The following DTNBP1 variants were observed in gnomAD, a reference collection of about 807,000 sequenced individuals.
DTNBP1 encodes dysbindin.
In DTNBP1, 35 loss-of-function variants were observed where a neutral mutation model predicts 42.8. The observed-to-expected ratio is 0.82, with a 90% CI of 0.63 to 1.09. DTNBP1 has a LOEUF of 1.09. Ranked by LOEUF, DTNBP1 falls within the 50% of genes least tolerant of loss-of-function variation. DTNBP1 has a pLI of 0.00. For missense variants in DTNBP1, 457 were observed against 424.2 expected (o/e 1.08, Z -0.68); for synonymous variants, 171 against 162.2 (o/e 1.05, Z -0.41).
chr6:15,581,924 G>C (rs1439232013), intron 7 of DTNBP1, among the ~76,000 whole-genome samples: 7 of 152,150 alleles, frequency 4.6e-5, no homozygotes, highest in Non-Finnish European at 2.9e-5. Flanking sequence ...TTCTAATCCT[G>C]CCCTGAGCTT....
intron 9 of DTNBP1, chr6:15,523,714 C>G (rs1406494954): frequency 1.6e-6 from 2 of 1,287,118 alleles, no homozygotes; most frequent in Non-Finnish European, 2.0e-6. Context: ...GTTTCTAAAT[C>G]TTCCCCTGAC....
chr6:15,543,933 C>T (rs1022689573), intron 7 of DTNBP1, among the ~76,000 whole-genome samples: 1 of 152,166 alleles, frequency 6.6e-6, no homozygotes, highest in African/African-American at 2.4e-5. Context: ...AGGAATAAGA[C>T]CCCTTCCCCT....
At position 15,534,389 on chromosome 6, in the gene DTNBP1, C is replaced by T. The variant is rs573089916; in HGVS notation, c.512-994G>A. On this transcript the variant is annotated intron_variant, in intron 7 of 9. Coordinates refer to ENST00000344537, the MANE Select transcript of DTNBP1 (RefSeq NM_032122.5). Reference sequence around the variant, plus strand: ...GAACAGGGCCGGGCGCGGTGGCTCACGCCTATAATCCCAGCCCTTTGGGAG... The same window carrying T: ...GAACAGGGCCGGGCGCGGTGGCTCATGCCTATAATCCCAGCCCTTTGGGAG... Among the ~76,000 whole-genome samples, 32 of 152,292 alleles carry T rather than the reference C, an allele frequency of 2.1e-4. 1 individual carries two copies. The highest frequency in any genetic ancestry group is 3.7e-4 in the Non-Finnish European group (25 of 68,034).
intron 7 of DTNBP1, among the ~76,000 whole-genome samples, chr6:15,551,508 T>G (rs1162652000): frequency 6.6e-6 from 1 of 152,174 alleles, no homozygotes. Context: ...ATGCCCTGAC[T>G]TGTAATTGCC....
At chr6:15,571,436 C>T (rs1048008243) in intron 7 of DTNBP1, among the ~76,000 whole-genome samples, 60 of 152,164 alleles carry the variant, frequency 3.9e-4, no homozygotes, top group South Asian at 2.1e-3. Context: ...AATCACAGAT[C>T]CATGAAGAAT....
At chr6:15,640,150 T>C (rs1395472146) in intron 3 of DTNBP1, among the ~76,000 whole-genome samples, 2 of 152,242 alleles carry the variant, frequency 1.3e-5, no homozygotes, top group African/African-American at 4.8e-5. Context: ...CTAAATCCAT[T>C]ACAATGTATG....
chr6:15,545,995 G>A (rs1373949308), intron 7 of DTNBP1: 1 of 447,330 alleles, frequency 2.2e-6, no homozygotes, highest in Admixed American at 2.5e-5. Context: ...GCACCCTGGA[G>A]GCCTCAGATT....
intron 7 of DTNBP1, chr6:15,533,751 G>C (rs1173452346): frequency 2.1e-6 from 1 of 468,540 alleles, no homozygotes; most frequent in Admixed American, 2.4e-5. Context: ...GGAGTCTGCT[G>C]CTCCATCCAG....
intron 7 of DTNBP1, among the ~76,000 whole-genome samples, chr6:15,576,130 T>G (rs1201143067): frequency 6.6e-6 from 1 of 151,848 alleles, no homozygotes; most frequent in Non-Finnish European, 1.5e-5. Flanking sequence ...TTTTTCCTTT[T>G]TTTTTTGAGA....
Position 15,558,115 on chromosome 6 carries a change from T to C in DTNBP1, c.512-24720A>G, listed in dbSNP as rs543346752. On this transcript the variant is annotated intron_variant, in intron 7 of 9. Transcript: ENST00000344537. ...TAGTGTACGTTATCAGTAATTATAT[T>C]ATGTTAAATTATTGTATACCACAGA... Among the ~76,000 whole-genome samples the C allele has an allele frequency of 6.5e-4, 98 of 151,670 alleles. 1 individual carries two copies. Among genetic ancestry groups the C allele is most frequent in the Middle Eastern group, 3.5e-3 (1 of 286 alleles).
At chr6:15,599,135 C>T (rs1473443835) in intron 6 of DTNBP1, among the ~76,000 whole-genome samples, 5 of 152,118 alleles carry the variant, frequency 3.3e-5, no homozygotes, top group Non-Finnish European at 7.4e-5. Flanking sequence ...AATCATTTCC[C>T]TAAACCTATT....
chr6:15,608,757 C>G (rs1758219712), intron 6 of DTNBP1, among the ~76,000 whole-genome samples: 1 of 152,204 alleles, frequency 6.6e-6, no homozygotes, highest in Non-Finnish European at 1.5e-5. Flanking sequence ...TCTTAGTAAC[C>G]ATTTTCTACT....
At chr6:15,553,810 G>A (rs921887013) in intron 7 of DTNBP1, among the ~76,000 whole-genome samples, 3 of 151,896 alleles carry the variant, frequency 2.0e-5, no homozygotes, top group South Asian at 2.1e-4. Flanking sequence ...GCACTGTGGC[G>A]TATTAGATAT....
intron 7 of DTNBP1, chr6:15,585,877 C>T (rs1776060644): frequency 1.1e-5 from 15 of 1,417,104 alleles, no homozygotes; most frequent in Non-Finnish European, 1.2e-5. Flanking sequence ...GGAAGTGAGG[C>T]TGAAGCCAGA....
intron 7 of DTNBP1, among the ~76,000 whole-genome samples, chr6:15,568,138 G>A (rs1775179632): frequency 6.6e-6 from 1 of 152,086 alleles, no homozygotes; most frequent in East Asian, 1.9e-4. Context: ...CCTAAAGTAG[G>A]TCCAAGATCC....
intron 7 of DTNBP1, among the ~76,000 whole-genome samples, chr6:15,581,036 C>T (rs1478613752): frequency 1.3e-5 from 2 of 152,188 alleles, no homozygotes; most frequent in Non-Finnish European, 2.9e-5. Context: ...AGAGTGTGAA[C>T]TGTCAACACA....
chr6:15,620,630 C>T (rs533171512), intron 5 of DTNBP1, among the ~76,000 whole-genome samples: 8 of 152,300 alleles, frequency 5.3e-5, no homozygotes, highest in Middle Eastern at 3.4e-3. Flanking sequence ...AAAACACTAT[C>T]ATAGCTAATA....
At chr6:15,624,016 T>C (rs1759195871) in intron 5 of DTNBP1, among the ~76,000 whole-genome samples, 1 of 152,166 alleles carries the variant, frequency 6.6e-6, no homozygotes, top group Non-Finnish European at 1.5e-5. Context: ...AGGCCCCCAT[T>C]AGAACGTCAG....
At chr6:15,657,632 C>T (rs1440247480) in intron 1 of DTNBP1, among the ~76,000 whole-genome samples, 1 of 152,136 alleles carries the variant, frequency 6.6e-6, no homozygotes, top group South Asian at 2.1e-4. Context: ...TGATTTTTAG[C>T]CACAGAACTT....
Sources: allele counts gnomAD v4.1 joint callset (sites outside exome capture counted in the v4.1 genomes callset), GRCh38; gene constraint gnomAD v4.1.1; transcripts MANE v1.5; gene names NCBI Gene and HGNC (gene_info 2026-07-23, HGNC 2026-07-21).